Variants in NR6A1 observed in about 807,000 individuals in gnomAD.
NR6A1 encodes retinoic acid receptor-related testis-associated receptor.
In NR6A1, 7 loss-of-function variants were observed where a neutral mutation model predicts 59.1. The observed-to-expected ratio is 0.12, with a 90% CI of 0.07 to 0.22. The LOEUF is 0.22. Ranked by LOEUF, NR6A1 falls within the 10% of genes least tolerant of loss-of-function variation. The probability of loss-of-function intolerance (pLI) is 1.00; values close to 1 mark genes in which losing one functional copy is unlikely to be tolerated. For missense variants in NR6A1, 468 were observed against 611.6 expected, an observed-to-expected ratio of 0.77 and a Z score of 2.48; for synonymous variants, 243 against 236.1, an observed-to-expected ratio of 1.03 and a Z score of -0.27.
intron 2 of NR6A1, among the ~76,000 whole-genome samples, chr9:124,589,079 C>T (rs369858723): frequency 6.6e-6 from 1 of 152,142 alleles, no homozygotes; most frequent in East Asian, 1.9e-4. Context: ...CTTCCTGCTC[C>T]CAGTCGAATA....
chr9:124,588,196 G>A (rs991294898), intron 2 of NR6A1, among the ~76,000 whole-genome samples: 18 of 152,014 alleles, frequency 1.2e-4, no homozygotes, highest in Non-Finnish European at 2.1e-4. Context: ...TTTTTCTCTC[G>A]CATCAGATTG....
At chr9:124,652,763 G>A (rs1837143097) in intron 2 of NR6A1, among the ~76,000 whole-genome samples, 2 of 152,262 alleles carry the variant, frequency 1.3e-5, no homozygotes, top group South Asian at 4.1e-4. Flanking sequence ...CACTCACGCA[G>A]AAGCTAGGTC....
At chr9:124,577,480 C>G (rs1834635329) in intron 2 of NR6A1, among the ~76,000 whole-genome samples, 1 of 152,182 alleles carries the variant, frequency 6.6e-6, no homozygotes, top group Non-Finnish European at 1.5e-5. Context: ...TGTGACTTCT[C>G]TAATTACTTA....
chr9:124,646,830 A>G (rs191306340), intron 2 of NR6A1, among the ~76,000 whole-genome samples: 1 of 152,370 alleles, frequency 6.6e-6, no homozygotes, highest in Admixed American at 6.5e-5. Flanking sequence ...ACAAAAAAAT[A>G]GAGACAATCT....
At chr9:124,706,008 TCA>T (rs1839124161) in intron 2 of NR6A1, among the ~76,000 whole-genome samples, 1 of 152,208 alleles carries the variant, frequency 6.6e-6, no homozygotes, top group African/African-American at 2.4e-5. Flanking sequence ...ACTCCCGAAC[TCA>T]GGTGATCCAC....
At chr9:124,596,885 C>T (rs980099574) in intron 2 of NR6A1, among the ~76,000 whole-genome samples, 24 of 152,228 alleles carry the variant, frequency 1.6e-4, no homozygotes, top group Admixed American at 1.4e-3. Flanking sequence ...GGTGGAATGT[C>T]CCCAAGAGAA....
At chr9:124,762,560 T>G (rs1330536976) in intron 1 of NR6A1, among the ~76,000 whole-genome samples, 1 of 152,182 alleles carries the variant, frequency 6.6e-6, no homozygotes, top group Admixed American at 6.5e-5. Flanking sequence ...TTGTGGATAG[T>G]CTTCTTTGAT....
At chr9:124,545,975 C>T (rs1006954592) in intron 3 of NR6A1, among the ~76,000 whole-genome samples, 2 of 152,060 alleles carry the variant, frequency 1.3e-5, no homozygotes, top group Admixed American at 6.6e-5. Flanking sequence ...ATTAGCCGGG[C>T]GTGGTGGCAC....
At chr9:124,615,520 AT>A (rs1373458295) in intron 2 of NR6A1, among the ~76,000 whole-genome samples, 1 of 152,166 alleles carries the variant, frequency 6.6e-6, no homozygotes, top group Non-Finnish European at 1.5e-5. Flanking sequence ...GCAACACAAT[AT>A]TTATTTCAAC....
intron 2 of NR6A1, among the ~76,000 whole-genome samples, chr9:124,616,962 A>T (rs1305195362): frequency 6.6e-6 from 1 of 152,216 alleles, no homozygotes; most frequent in Non-Finnish European, 1.5e-5. Context: ...TGACCCAAAA[A>T]TACCACTTCT....
At chr9:124,562,156 C>T (rs2131404599) in intron 2 of NR6A1, among the ~76,000 whole-genome samples, 1 of 152,290 alleles carries the variant, frequency 6.6e-6, no homozygotes, top group Admixed American at 6.5e-5. Context: ...TGAGAAGAAT[C>T]TCATTCCTTT....
chr9:124,681,338 C>CTTT lies in NR6A1; in HGVS notation c.142+51967_142+51969dup, dbSNP rs779847656. On this transcript the variant is annotated intron_variant, in intron 2 of 9. Coordinates refer to ENST00000487099, the MANE Select transcript of NR6A1 (RefSeq NM_033334.4). ...TTTGTTGCCAATGATAACATTTGAG[C>CTTT]TTTTTTTTTTTTTTTTTTTTTGAGA... Among the ~76,000 whole-genome samples, 613 of 110,762 alleles carry CTTT rather than the reference C, an allele frequency of 5.5e-3. 15 individuals are homozygous for CTTT. Among genetic ancestry groups the CTTT allele is most frequent in the Non-Finnish European group, 9.0e-3 (483 of 53,518 alleles). 72.7% of individuals were successfully genotyped at this position (110,762 alleles called of 152,430 possible).
intron 2 of NR6A1, among the ~76,000 whole-genome samples, chr9:124,612,641 A>C (rs914180129): frequency 2.0e-5 from 3 of 152,174 alleles, no homozygotes; most frequent in African/African-American, 7.2e-5. Flanking sequence ...GCCAGTTGCA[A>C]ATCACACCAA....
At chr9:124,526,686 T>C in intron 8 of NR6A1, 93 bp downstream of exon 8, 1 of 1,548,714 alleles carries the variant, frequency 6.5e-7, no homozygotes, top group Non-Finnish European at 8.8e-7. Context: ...TGTGTGATAG[T>C]CCTGAGGGTA....
intron 1 of NR6A1, among the ~76,000 whole-genome samples, chr9:124,760,420 A>G (rs142155290): frequency 0.011 from 1,692 of 152,312 alleles, 29 homozygotes; most frequent in African/African-American, 0.039. Flanking sequence ...TCTAATCAAT[A>G]AAAGTTGAAT....
chr9:124,721,017 C>T (rs1300860872), intron 2 of NR6A1, among the ~76,000 whole-genome samples: 1 of 152,104 alleles, frequency 6.6e-6, no homozygotes, highest in African/African-American at 2.4e-5. Flanking sequence ...GTCTTTGTCT[C>T]ATCTGAAAAT....
chr9:124,554,253 A>C, intron 3 of NR6A1, 75 bp downstream of exon 3: 1 of 1,602,244 alleles, frequency 6.2e-7, no homozygotes, highest in South Asian at 1.1e-5. Context: ...TTGAGGAATA[A>C]GTAACTAAAC....
intron 2 of NR6A1, among the ~76,000 whole-genome samples, chr9:124,590,250 A>T (rs192057643): frequency 1.6e-4 from 24 of 152,072 alleles, no homozygotes; most frequent in African/African-American, 5.8e-4. Flanking sequence ...CAGGCCTCTA[A>T]TTTTACCATG....
chr9:124,597,874 G>A (rs1037202355), intron 2 of NR6A1, among the ~76,000 whole-genome samples: 6 of 152,016 alleles, frequency 3.9e-5, no homozygotes, highest in African/African-American at 9.7e-5. Flanking sequence ...ACAGGGCCTC[G>A]CTCTGTCACA....
Sources: allele counts gnomAD v4.1 joint callset (sites outside exome capture counted in the v4.1 genomes callset), GRCh38; gene constraint gnomAD v4.1.1; transcripts MANE v1.5; gene names NCBI Gene and HGNC (gene_info 2026-07-23, HGNC 2026-07-21).